The following EXD3 variants were observed in gnomAD, a reference collection of about 807,000 sequenced individuals.
EXD3 encodes the protein exonuclease 3'-5' domain containing 3, also known as exonuclease mut-7 homolog.
EXD3 carries 92 observed loss-of-function variants against 98.0 expected under a neutral mutation model. The ratio of observed to expected loss-of-function variants is 0.94; its 90% CI spans 0.79 to 1.12. The LOEUF (loss-of-function observed/expected upper bound fraction) is 1.12. Ranked by LOEUF, EXD3 falls within the 50% of genes most tolerant of loss-of-function variation. The pLI is 0.00. For missense variants in EXD3, 1,222 were observed against 1,191.6 expected (o/e 1.03, Z -0.38); for synonymous variants, 569 against 526.0 (o/e 1.08, Z -1.12).
chr9:137,389,265 C>T (rs1295661208), intron 2 of EXD3, among the ~76,000 whole-genome samples: 2 of 152,132 alleles, frequency 1.3e-5, no homozygotes, highest in South Asian at 2.1e-4. Context: ...CACCTCGGCT[C>T]GCCGCAGAGG....
At chr9:137,375,979 C>T (rs549232581) in intron 3 of EXD3, among the ~76,000 whole-genome samples, 6 of 152,192 alleles carry the variant, frequency 3.9e-5, no homozygotes, top group South Asian at 2.1e-4. Flanking sequence ...TTTTACTAAA[C>T]GATTGTTCAC....
At position 137,351,543 on chromosome 9, in the gene EXD3, G is replaced by A. The variant is rs1030118788; in HGVS notation, c.1174-15C>T. 2.6e-6 allele frequency: 4 copies of A among 1,566,792 alleles called. No individual in the cohort carries two copies. The highest frequency in any genetic ancestry group is 3.5e-6 in the Non-Finnish European group (4 of 1,156,792). On this transcript the variant is annotated splice_polypyrimidine_tract_variant and intron_variant, in intron 12 of 21. Coordinates refer to ENST00000340951, the MANE Select transcript of EXD3 (RefSeq NM_017820.5). ...ACTTGGTGGCACTGCGGGCAGAGAG[G>A]GGCAGATGTGATCATCAGGGCCAAC...
chr9:137,415,031 G>A (rs1375686529), intron 1 of EXD3, among the ~76,000 whole-genome samples: 1 of 151,862 alleles, frequency 6.6e-6, no homozygotes, highest in African/African-American at 2.4e-5. Context: ...GGGATTACAG[G>A]TGCCTGCCAC....
intron 17 of EXD3, among the ~76,000 whole-genome samples, chr9:137,331,921 A>C (rs1020179182): frequency 1.3e-5 from 2 of 152,170 alleles, no homozygotes; most frequent in Non-Finnish European, 2.9e-5. Flanking sequence ...GTCTCAAAAA[A>C]TAAAAATAAA....
intron 19 of EXD3, among the ~76,000 whole-genome samples, chr9:137,313,939 T>TG (rs1196725609): frequency 6.6e-6 from 1 of 152,158 alleles, no homozygotes; most frequent in Non-Finnish European, 1.5e-5. Flanking sequence ...TAGGACTGTG[T>TG]GCGGAGATCC....
At chr9:137,404,078 C>T (rs1454110927) in intron 1 of EXD3, among the ~76,000 whole-genome samples, 3 of 152,158 alleles carry the variant, frequency 2.0e-5, no homozygotes, top group Admixed American at 6.5e-5. Context: ...TGGGTCCTCA[C>T]GGGTCCCCCC....
chr9:137,413,459 C>G (rs1209783472), intron 1 of EXD3, among the ~76,000 whole-genome samples: 3 of 150,848 alleles, frequency 2.0e-5, no homozygotes, highest in Non-Finnish European at 4.4e-5. Flanking sequence ...ATCAGCCTCT[C>G]AAAGTGTTGG....
rs1227035562 is a variant in EXD3, at chr9:137,352,964, G to C, written c.871-178C>G. ...TCCTGCCTGAGGTCAAGGTTCCACA[G>C]GACCAAAGCGGCTGAGATAGAGGTG... On this transcript the variant is annotated intron_variant, in intron 10 of 21. Transcript: ENST00000340951. 7.1e-6 allele frequency: 10 copies of C among 1,410,450 alleles called. No individual in the cohort carries two copies. In the Admixed American group the frequency reaches 9.2e-5, roughly 13 times the overall value. 87.4% of individuals were successfully genotyped at this position (1,410,450 alleles called of 1,614,324 possible).
chr9:137,358,001 C>T (rs1229619717), intron 7 of EXD3, among the ~76,000 whole-genome samples: 1 of 151,978 alleles, frequency 6.6e-6, no homozygotes, highest in East Asian at 1.9e-4. Context: ...TGAGACGGTG[C>T]CCACTGAGAT....
rs781467858 is a variant in EXD3 at position 137,307,400 on chromosome 9, C to T, written c.2318-137G>A. The T allele has an allele frequency of 9.5e-5, 129 of 1,359,152 alleles. 1 individual carries two copies. The highest frequency in any genetic ancestry group is 1.5e-4 in the South Asian group (10 of 66,016). 84.2% of individuals were successfully genotyped at this position (1,359,152 alleles called of 1,614,324 possible). ...GCAGCTCCTCTTTCTGCTCCCTATC[C>T]GCTGACTCTGCGTCCTCCACTTCCT... On this transcript the variant is annotated intron_variant, in intron 21 of 21. Coordinates refer to ENST00000340951, the MANE Select transcript of EXD3 (RefSeq NM_017820.5).
intron 5 of EXD3, among the ~76,000 whole-genome samples, chr9:137,369,022 T>TGGGGAGGGGCGCAGGGTCA (rs1835438997): frequency 4.4e-5 from 1 of 22,856 alleles, no homozygotes; most frequent in Non-Finnish European, 8.6e-5. Context: ...CAGAGCCGTG[T>TGGGGAGGGGCGCAGGGTCA]GGGGAGGGGC....
intron 2 of EXD3, among the ~76,000 whole-genome samples, chr9:137,388,805 A>G (rs1836745328): frequency 6.6e-6 from 1 of 152,138 alleles, no homozygotes; most frequent in South Asian, 2.1e-4. Flanking sequence ...CAGCAGCATC[A>G]GACCCCGCGG....
rs763826466 is a variant in EXD3, at chr9:137,349,094, G to A, written c.1830+16C>T. The A allele has an allele frequency of 6.3e-7, 1 of 1,584,854 alleles. No homozygotes were observed. Among genetic ancestry groups the A allele is most frequent in the Non-Finnish European group, 8.5e-7 (1 of 1,171,586 alleles). ...CCAAGAATGCTGACAAACGGACCCT[G>A]CGGGGCTTCACCCACCTGCCTGGGT... On this transcript the variant is annotated intron_variant, in intron 16 of 21. Coordinates refer to ENST00000340951, the MANE Select transcript of EXD3 (RefSeq NM_017820.5). This position sits in a 1 kb window ranked among gnomAD's most constrained non-coding sequence, Gnocchi z 7.4.
intron 5 of EXD3, among the ~76,000 whole-genome samples, chr9:137,369,410 C>T (rs781777689): frequency 6.6e-6 from 1 of 152,178 alleles, no homozygotes; most frequent in Non-Finnish European, 1.5e-5. Flanking sequence ...CGTTCAGAAC[C>T]GCAGGGTGGT....
At chr9:137,310,781 T>C (rs1277816717) in intron 19 of EXD3, among the ~76,000 whole-genome samples, 1 of 151,626 alleles carries the variant, frequency 6.6e-6, no homozygotes, top group Non-Finnish European at 1.5e-5. Flanking sequence ...CCTGTGGAGG[T>C]GTGGCCTTCC....
intron 17 of EXD3, among the ~76,000 whole-genome samples, chr9:137,342,293 C>T (rs1833687598): frequency 1.6e-5 from 2 of 122,736 alleles, no homozygotes; most frequent in Admixed American, 1.5e-4. Flanking sequence ...GGAGCCGTCT[C>T]CCAGGGGAGT....
rs1835866262 is a variant in EXD3, at chr9:137,375,701, C to T, written c.121-2102G>A. On this transcript the variant is annotated intron_variant, in intron 3 of 21. Transcript: ENST00000340951. ...TCATGAGTTCTAGCTTTCGTGAGTT[C>T]TAGCCCTAGTGAGTTCTAGCCCTAG... Among the ~76,000 whole-genome samples, 3 of 152,108 alleles carry T rather than the reference C, an allele frequency of 2.0e-5. No individual in the cohort carries two copies. In the South Asian group the frequency reaches 6.2e-4, roughly 32 times the overall value.
Position 137,371,925 on chromosome 9 carries a change from C to T in EXD3, c.462+980G>A, listed in dbSNP as rs1835636647. Among the ~76,000 whole-genome samples, 2 of 152,116 alleles carry T rather than the reference C, an allele frequency of 1.3e-5. No homozygotes were observed. The highest frequency in any genetic ancestry group is 4.8e-5 in the African/African-American group (2 of 41,438). On this transcript the variant is annotated intron_variant, in intron 5 of 21. Transcript: ENST00000340951. The surrounding 1 kb of genome is among the most constrained non-coding windows in gnomAD (Gnocchi z 8.0). ...CCCACGCAAGACGGCCGCCTCCCTA[C>T]CCACTGCAGGCCCCACTGCTCCCTA... is the stretch of plus-strand genomic sequence containing the variant.
At chr9:137,323,532 A>G (rs201618438) in intron 19 of EXD3, among the ~76,000 whole-genome samples, 193 bp downstream of exon 19, 93 of 65,448 alleles carry the variant, frequency 1.4e-3, no homozygotes, top group Middle Eastern at 0.011. Flanking sequence ...CCCACGAGGG[A>G]TGATCTGCCG....
Sources: gnomAD v4.1 joint callset for allele counts (sites outside exome capture counted in the v4.1 genomes callset) on GRCh38, gnomAD v4.1.1 for gene constraint, Gnocchi (gnomAD v3.1) non-coding constraint, MANE v1.5 for transcripts, NCBI Gene and HGNC (gene_info 2026-07-23, HGNC 2026-07-21) for gene names.